Variants in SHISA9 observed in about 807,000 individuals in gnomAD.
SHISA9 encodes the protein shisa family member 9.
In SHISA9, 13 loss-of-function variants were observed where a neutral mutation model predicts 38.0. The ratio of observed to expected loss-of-function variants is 0.34; its 90% CI spans 0.22 to 0.54. SHISA9 has a LOEUF of 0.54. SHISA9 is among the 20% of genes least tolerant of loss of function. The pLI is 0.91. For missense variants in SHISA9, 538 were observed against 575.8 expected, an observed-to-expected ratio of 0.93 and a Z score of 0.67; for synonymous variants, 275 against 242.0, an observed-to-expected ratio of 1.14 and a Z score of -1.27.
the SHISA9 span, among the ~76,000 whole-genome samples, chr16:13,502,641 G>A: frequency 7.4e-3 from 1,121 of 152,230 alleles, 6 homozygotes; most frequent in Non-Finnish European, 0.012. Context: ...TTGGGAGGCC[G>A]AGGCAGATGG....
At chr16:12,969,386 A>G (rs1409173851) in intron 2 of SHISA9, among the ~76,000 whole-genome samples, 4 of 147,972 alleles carry the variant, frequency 2.7e-5, no homozygotes, top group African/African-American at 7.5e-5. Context: ...TGATTATGCT[A>G]TAGTGCTCAC....
the SHISA9 span, among the ~76,000 whole-genome samples, chr16:13,521,451 C>A: frequency 2.0e-5 from 3 of 152,190 alleles, no homozygotes; most frequent in African/African-American, 7.2e-5. Flanking sequence ...ACAATTGACT[C>A]TGCTTGTTTT....
intron 2 of SHISA9, among the ~76,000 whole-genome samples, chr16:12,934,050 A>G (rs1378411372): frequency 6.6e-6 from 1 of 152,166 alleles, no homozygotes; most frequent in Non-Finnish European, 1.5e-5. Flanking sequence ...TAGCCAAAAC[A>G]AAAAACAAAA....
the SHISA9 span, among the ~76,000 whole-genome samples, chr16:13,272,603 A>T: frequency 1.3e-5 from 2 of 152,162 alleles, no homozygotes; most frequent in Admixed American, 1.3e-4. Context: ...CCAATCTTGT[A>T]GGTGAAGGAC....
chr16:13,525,347 T>A, the SHISA9 span, among the ~76,000 whole-genome samples: 151 of 152,292 alleles, frequency 9.9e-4, 1 homozygote, highest in Non-Finnish European at 1.7e-3. Flanking sequence ...TGTCTTAGAC[T>A]TTCTGTCGAA....
intron 1 of SHISA9, among the ~76,000 whole-genome samples, chr16:12,905,415 G>T (rs1290066494): frequency 2.0e-5 from 3 of 152,020 alleles, no homozygotes; most frequent in Admixed American, 1.3e-4. Context: ...AATAGGTTCT[G>T]GGTGGGCCCG....
At chr16:13,434,627 C>G in the SHISA9 span, among the ~76,000 whole-genome samples, 2 of 151,956 alleles carry the variant, frequency 1.3e-5, no homozygotes, top group Admixed American at 1.3e-4. Flanking sequence ...ACCGTGTTAG[C>G]CAGGATGGTC....
chr16:13,192,930 GGAGGAA>G (rs1567242162), intron 2 of SHISA9, among the ~76,000 whole-genome samples: 1 of 150,800 alleles, frequency 6.6e-6, no homozygotes, highest in African/African-American at 2.4e-5. Flanking sequence ...AGGAAGAAGA[GGAGGAA>G]GAGGAAGAAG....
At chr16:13,170,668 G>GT (rs1049558615) in intron 2 of SHISA9, among the ~76,000 whole-genome samples, 6 of 151,590 alleles carry the variant, frequency 4.0e-5, no homozygotes, top group Non-Finnish European at 8.9e-5. Flanking sequence ...TTGTTTGTTT[G>GT]TTTTTTGAGA....
At chr16:13,440,918 GA>G in the SHISA9 span, among the ~76,000 whole-genome samples, 9 of 142,720 alleles carry the variant, frequency 6.3e-5, no homozygotes, top group African/African-American at 1.3e-4. Context: ...AAGACTCTGG[GA>G]AAAAAAAAAG....
At chr16:13,337,387 C>T in the SHISA9 span, among the ~76,000 whole-genome samples, 53 of 152,244 alleles carry the variant, frequency 3.5e-4, no homozygotes, top group East Asian at 1.4e-3. Context: ...CCGTGTGAGA[C>T]GTGCCTTTCA....
chr16:13,110,431 T>A (rs2073967057), intron 2 of SHISA9, among the ~76,000 whole-genome samples: 3 of 152,204 alleles, frequency 2.0e-5, no homozygotes, highest in African/African-American at 7.2e-5. Context: ...AAAAGAGGAA[T>A]GTCATGCTGG....
chr16:13,382,397 G>A, the SHISA9 span, among the ~76,000 whole-genome samples: 4 of 151,848 alleles, frequency 2.6e-5, no homozygotes, highest in East Asian at 1.9e-4. Flanking sequence ...GTGTGGTGAC[G>A]CATGCCTGTA....
chr16:13,221,817 C>G (rs1047054272), intron 4 of SHISA9, among the ~76,000 whole-genome samples: 5 of 152,196 alleles, frequency 3.3e-5, no homozygotes, highest in Non-Finnish European at 7.3e-5. Context: ...CCTCTCCCAG[C>G]TAACCCCTGG....
the SHISA9 span, among the ~76,000 whole-genome samples, chr16:13,406,588 T>G: frequency 6.6e-6 from 1 of 152,202 alleles, no homozygotes; most frequent in Admixed American, 6.5e-5. Context: ...GCCCTCAGAC[T>G]TCTACAACTT....
At chr16:13,383,224 A>T in the SHISA9 span, among the ~76,000 whole-genome samples, 1 of 152,224 alleles carries the variant, frequency 6.6e-6, no homozygotes, top group East Asian at 1.9e-4. Flanking sequence ...CTTTCTCATC[A>T]GGGAAGACTG....
chr16:13,394,895 C>T, the SHISA9 span, among the ~76,000 whole-genome samples: 4 of 150,806 alleles, frequency 2.7e-5, no homozygotes. Context: ...CCTTCCTCTG[C>T]CACTGTCATT....
the SHISA9 span, among the ~76,000 whole-genome samples, chr16:13,536,840 T>C: frequency 6.6e-6 from 1 of 152,154 alleles, no homozygotes; most frequent in South Asian, 2.1e-4. Flanking sequence ...TCTGGGGTCG[T>C]TGAGAAGTTA....
the SHISA9 span, among the ~76,000 whole-genome samples, chr16:13,413,497 T>G: frequency 1.3e-5 from 2 of 152,132 alleles, no homozygotes; most frequent in African/African-American, 4.8e-5. Context: ...GGCTCACGCC[T>G]GCAATCCCAA....
Sources: allele counts gnomAD v4.1 joint callset (sites outside exome capture counted in the v4.1 genomes callset), GRCh38; gene constraint gnomAD v4.1.1; transcripts MANE v1.5; gene names NCBI Gene and HGNC (gene_info 2026-07-23, HGNC 2026-07-21).